SLC1A4: variants seen among roughly 807,000 people sequenced by gnomAD.
SLC1A4 encodes solute carrier family 1 member 4, also known as neutral amino acid transporter A.
In SLC1A4, 19 loss-of-function variants were observed where a neutral mutation model predicts 37.7. The observed-to-expected ratio is 0.50, with a 90% CI of 0.35 to 0.74. The LOEUF is 0.74. SLC1A4 is among the 30% of genes least tolerant of loss of function. SLC1A4 has a pLI of 0.01. For synonymous variants in SLC1A4, 299 were observed against 309.8 expected (o/e 0.97, Z 0.37); for missense variants, 570 against 712.9 (o/e 0.80, Z 2.28).
At position 64,989,630 on chromosome 2, in the gene SLC1A4, C is replaced by T. The variant is rs1178093937; in HGVS notation, c.-14C>T. On this transcript the variant is annotated 5_prime_UTR_variant, in exon 1 of 8. Coordinates refer to ENST00000234256, the MANE Select transcript of SLC1A4 (RefSeq NM_003038.5). Reference sequence around the variant, plus strand: ...GTCCCCTGCCACCTCTAGCTCGGAGCGGCGTGTAGCGCCATGGAGAAGAGC... The same window carrying T: ...GTCCCCTGCCACCTCTAGCTCGGAGTGGCGTGTAGCGCCATGGAGAAGAGC... 1.3e-6 allele frequency: 2 copies of T among 1,487,110 alleles called. No individual in the cohort carries two copies. Among genetic ancestry groups the T allele is most frequent in the Non-Finnish European group, 8.9e-7 (1 of 1,125,620 alleles). 92.1% of individuals were successfully genotyped at this position (1,487,110 alleles called of 1,614,324 possible). A position where few individuals can be genotyped will look rare whatever the true frequency, so the allele number is the denominator to read the frequency against.
intron 1 of SLC1A4, among the ~76,000 whole-genome samples, chr2:64,992,512 T>A (rs1414537515): frequency 6.6e-6 from 1 of 152,170 alleles, no homozygotes; most frequent in Non-Finnish European, 1.5e-5. Context: ...ACAGCCAACT[T>A]CATCTAATCC....
chr2:65,016,239 G>A (rs765528612), intron 4 of SLC1A4, among the ~76,000 whole-genome samples: 10 of 152,200 alleles, frequency 6.6e-5, no homozygotes, highest in Non-Finnish European at 1.5e-4. Context: ...CCCTTGGTGA[G>A]TGGTCAGCCT....
intron 4 of SLC1A4, among the ~76,000 whole-genome samples, chr2:65,013,746 C>T (rs989219702): frequency 2.6e-5 from 4 of 152,114 alleles, no homozygotes; most frequent in Non-Finnish European, 4.4e-5. Flanking sequence ...TCAGTATTAC[C>T]GCTTTCTGCA....
chr2:65,018,803 C>G lies in SLC1A4; in HGVS notation c.1364+124C>G. On this transcript the variant is annotated intron_variant, in intron 7 of 7. Coordinates refer to ENST00000234256, the MANE Select transcript of SLC1A4 (RefSeq NM_003038.5). The surrounding 1 kb of genome is among the most constrained non-coding windows in gnomAD (Gnocchi z 4.3). ...CACTCCAGCCTTGTGAAGGAGGCTA[C>G]AGTGGAGCTAAAAGGGCAAGATTTA... is the stretch of plus-strand genomic sequence containing the variant. 8 of 1,153,840 alleles carry G rather than the reference C, an allele frequency of 6.9e-6. No individual in the cohort carries two copies. The highest frequency in any genetic ancestry group is 2.4e-5 in the East Asian group (1 of 42,164). The allele number at this position is 1,153,840 out of a possible 1,614,324, so 71.5% of individuals were successfully genotyped here. A position where few individuals can be genotyped will look rare whatever the true frequency, so the allele number is the denominator to read the frequency against.
intron 5 of SLC1A4, among the ~76,000 whole-genome samples, chr2:65,017,346 TTA>T (rs1491363612): frequency 1.1e-4 from 12 of 113,892 alleles, no homozygotes; most frequent in Admixed American, 1.6e-4. Flanking sequence ...CTGGAAAACC[TTA>T]AAAAAAAAAA....
At chr2:65,005,064 A>G (rs1409564078) in intron 3 of SLC1A4, among the ~76,000 whole-genome samples, 1 of 152,248 alleles carries the variant, frequency 6.6e-6, no homozygotes, top group African/African-American at 2.4e-5. Flanking sequence ...TCCACTTGAT[A>G]TTCTTGGAAA....
At chr2:64,993,442 T>A (rs576565807) in intron 1 of SLC1A4, among the ~76,000 whole-genome samples, 1 of 152,278 alleles carries the variant, frequency 6.6e-6, no homozygotes, top group South Asian at 2.1e-4. Context: ...GAAATAACAA[T>A]GTAGAATAGA....
At chr2:65,006,355 G>A (rs1450086838) in intron 3 of SLC1A4, among the ~76,000 whole-genome samples, 1 of 152,128 alleles carries the variant, frequency 6.6e-6, no homozygotes, top group African/African-American at 2.4e-5. Flanking sequence ...AGCCAGGCAT[G>A]GTGGTGGGCA....
chr2:64,993,819 G>C (rs1458559035), intron 1 of SLC1A4, among the ~76,000 whole-genome samples: 1 of 152,146 alleles, frequency 6.6e-6, no homozygotes, highest in Non-Finnish European at 1.5e-5. Flanking sequence ...TTGTTCTGAG[G>C]GTTAGCTGGG....
intron 1 of SLC1A4, among the ~76,000 whole-genome samples, chr2:64,997,480 C>T (rs754910448): frequency 2.0e-5 from 3 of 152,222 alleles, no homozygotes; most frequent in Non-Finnish European, 4.4e-5. Context: ...CCATTCTCCA[C>T]CCCTGGCCTC....
At position 65,022,361 on chromosome 2, in the gene SLC1A4, T is replaced by G. The variant is rs1335912237; in HGVS notation, c.*1215T>G. On this transcript the variant is annotated 3_prime_UTR_variant, in exon 8 of 8. Coordinates refer to ENST00000234256, the MANE Select transcript of SLC1A4 (RefSeq NM_003038.5). Reference sequence around the variant, plus strand: ...GGGGAAGATCTGAGAGCGTGCTGTTTGTGGCTGTTGATGCATATTCGTGAT... The same window carrying G: ...GGGGAAGATCTGAGAGCGTGCTGTTGGTGGCTGTTGATGCATATTCGTGAT... The G allele has an allele frequency of 2.0e-5, 3 of 152,250 alleles. No individual in the cohort carries two copies. Among genetic ancestry groups the G allele is most frequent in the African/African-American group, 7.2e-5 (3 of 41,454 alleles). The allele number at this position is 152,250 out of a possible 1,614,324, so 9.4% of individuals were successfully genotyped here.
intron 1 of SLC1A4, among the ~76,000 whole-genome samples, chr2:64,991,513 G>A (rs1861443): frequency 0.088 from 12,886 of 145,808 alleles, 746 homozygotes; most frequent in Non-Finnish European, 0.13. Flanking sequence ...CTGCATCCCC[G>A]AACTCCTAGG....
chr2:65,004,423 ATTATTTATTTAT>A lies in SLC1A4; in HGVS notation c.633+431_633+442del, dbSNP rs141003389. 3.1e-4 allele frequency among the ~76,000 whole-genome samples: 47 copies of A among 149,564 alleles called. 1 individual carries two copies. Among genetic ancestry groups the A allele is most frequent in the Admixed American group, 7.3e-4 (11 of 15,016 alleles). ...TGCCACCATGCTCGGCTAATATTTT[ATTATTTATTTAT>A]TTATTTATTTATTTATTTATTTTTT... is the stretch of plus-strand genomic sequence containing the variant. On this transcript the variant is annotated intron_variant, in intron 3 of 7. Transcript: ENST00000234256.
In SLC1A4 at chr2:65,022,112, TG is replaced by T. The variant is rs1674451901; in HGVS notation, c.*967del. 6.6e-6 allele frequency: 1 copy of T among 152,300 alleles called. No individual in the cohort carries two copies. The highest frequency in any genetic ancestry group is 2.4e-5 in the African/African-American group (1 of 41,480). The allele number at this position is 152,300 out of a possible 1,614,324, so 9.4% of individuals were successfully genotyped here. A position where few individuals can be genotyped will look rare whatever the true frequency, so the allele number is the denominator to read the frequency against. On this transcript the variant is annotated 3_prime_UTR_variant, in exon 8 of 8. Coordinates refer to ENST00000234256, the MANE Select transcript of SLC1A4 (RefSeq NM_003038.5). The stretch of plus-strand genomic sequence containing the variant: ...ATTATTTGAATTCAACTGGACACTC[TG>T]TAAAATGCTGCACTGCAGCAAAAAC...
Position 64,989,666 on chromosome 2 carries a change from A to G in SLC1A4, c.23A>G (p.Asn8Ser). 6.5e-7 allele frequency: 1 copy of G among 1,536,876 alleles called. No homozygotes were observed. Among genetic ancestry groups the G allele is most frequent in the Admixed American group, 2.1e-5 (1 of 46,712 alleles). Residue 8 changes from asparagine (N) to serine (S), a missense_variant, in exon 1 of 8, where the codon AAC becomes AGC. By Grantham distance (46) the Asn-to-Ser change is conservative. Transcript: ENST00000234256. ...GCCATGGAGAAGAGCAACGAGACCA[A>G]CGGCTACCTTGACAGCGCTCAGGCG... MEKSNET[N>S]GYLDSAQAGP...
In SLC1A4 at chr2:65,021,281, G is replaced by A. The variant is rs1674411302; in HGVS notation, c.*135G>A. 1 of 685,080 alleles carries A rather than the reference G, an allele frequency of 1.5e-6. No homozygotes were observed. The highest frequency in any genetic ancestry group is 2.5e-6 in the Non-Finnish European group (1 of 406,524). The allele number at this position is 685,080 out of a possible 1,614,324, so 42.4% of individuals were successfully genotyped here. A position where few individuals can be genotyped will look rare whatever the true frequency, so the allele number is the denominator to read the frequency against. On this transcript the variant is annotated 3_prime_UTR_variant, in exon 8 of 8. Transcript: ENST00000234256. ...AATGCTTTGGCCCAGTCGCTGGCCT[G>A]AGGCTTACCTCTCGGCACTGGCATT...
In SLC1A4 at chr2:65,013,927, A is replaced by T. The variant is rs180792271; in HGVS notation, c.801-2513A>T. ...CACTGTAGGAGAAAAGTACCTATTC[A>T]CAATTTGTAAATGAAAGAGCATGAC... is the stretch of plus-strand genomic sequence containing the variant. On this transcript the variant is annotated intron_variant, in intron 4 of 7. Transcript: ENST00000234256. Among the ~76,000 whole-genome samples, 551 of 152,354 alleles carry T rather than the reference A, an allele frequency of 3.6e-3. 8 individuals are homozygous for T. The Middle Eastern group carries it at 0.048, about 13-fold the overall frequency.
At chr2:65,003,805 T>C in intron 2 of SLC1A4, 148 bp from the exon 3 acceptor site, 1 of 618,464 alleles carries the variant, frequency 1.6e-6, no homozygotes, top group Non-Finnish European at 2.9e-6. Context: ...TCTCAGAGGC[T>C]TTTGTCAGGC....
chr2:65,020,542 C>T (rs1049608887), intron 7 of SLC1A4, among the ~76,000 whole-genome samples: 5 of 152,160 alleles, frequency 3.3e-5, no homozygotes, highest in African/African-American at 1.2e-4. Context: ...GCTGGGATTA[C>T]AGACATGAGC....
Sources: gnomAD v4.1 joint callset for allele counts (sites outside exome capture counted in the v4.1 genomes callset) on GRCh38, gnomAD v4.1.1 for gene constraint, Gnocchi (gnomAD v3.1) non-coding constraint, MANE v1.5 for transcripts, NCBI Gene and HGNC (gene_info 2026-07-23, HGNC 2026-07-21) for gene names.